FHIT: variants seen among roughly 807,000 people sequenced by gnomAD.
The protein encoded by FHIT is bis(5'-adenosyl)-triphosphatase.
A neutral mutation model predicts 17.9 loss-of-function variants in FHIT; 19 were observed. That is an observed-to-expected ratio of 1.06 (90% confidence interval 0.74 to 1.56). The LOEUF (loss-of-function observed/expected upper bound fraction) is 1.56, where lower values mean the gene tolerates loss of function less well. Ranked by LOEUF, FHIT falls within the 40% of genes most tolerant of loss-of-function variation. FHIT has a pLI of 0.00. For synonymous variants in FHIT, 81 were observed against 69.7 expected, an observed-to-expected ratio of 1.16 and a Z score of -0.81; for missense variants, 248 against 189.2, an observed-to-expected ratio of 1.31 and a Z score of -1.82.
intron 5 of FHIT, among the ~76,000 whole-genome samples, chr3:60,381,132 C>T (rs975160949): frequency 1.3e-5 from 2 of 151,980 alleles, no homozygotes; most frequent in Non-Finnish European, 2.9e-5. Context: ...CGCGATTAGC[C>T]CCAAAGATGC....
intron 3 of FHIT, among the ~76,000 whole-genome samples, chr3:60,988,852 C>T (rs1224532440): frequency 7.4e-6 from 1 of 134,600 alleles, no homozygotes; most frequent in Non-Finnish European, 1.5e-5. Flanking sequence ...CCTTGAGAAC[C>T]TTAAATTCAA....
At chr3:60,372,394 T>A (rs1458566870) in intron 5 of FHIT, among the ~76,000 whole-genome samples, 2 of 152,182 alleles carry the variant, frequency 1.3e-5, no homozygotes, top group African/African-American at 4.8e-5. Context: ...TTGTGGCACA[T>A]CCATAATTTG....
intron 2 of FHIT, among the ~76,000 whole-genome samples, chr3:61,063,255 C>CAAAAAAAAAA (rs371077056): frequency 2.1e-5 from 2 of 95,920 alleles, no homozygotes; most frequent in African/African-American, 3.8e-5. Context: ...GACTCTGTCT[C>CAAAAAAAAAA]AAAAAAAAAA....
Position 60,648,736 on chromosome 3 carries a change from A to G in FHIT, c.-17-111757T>C, listed in dbSNP as rs111519555. On this transcript the variant is annotated intron_variant, in intron 4 of 9. Coordinates refer to ENST00000492590, the MANE Select transcript of FHIT (RefSeq NM_002012.4). ...GAGCTAATGTGAGATGAAAAGCTAA[A>G]AAAGGAGCGAGTCAGAACTCCCACT... Among the ~76,000 whole-genome samples, 95 of 152,308 alleles carry G rather than the reference A, an allele frequency of 6.2e-4. 1 individual carries two copies. The East Asian group carries it at 0.017, about 27-fold the overall frequency.
At chr3:61,044,431 G>GA (rs1312381783) in intron 2 of FHIT, among the ~76,000 whole-genome samples, 6 of 152,080 alleles carry the variant, frequency 3.9e-5, no homozygotes, top group Non-Finnish European at 7.4e-5. Context: ...GAAGTTTAGA[G>GA]AAAAAAGAGT....
At chr3:60,197,586 T>C (rs889174466) in intron 5 of FHIT, among the ~76,000 whole-genome samples, 3 of 152,210 alleles carry the variant, frequency 2.0e-5, no homozygotes, top group Admixed American at 2.0e-4. Context: ...TAATAACCTA[T>C]GTTTGGTAAC....
intron 4 of FHIT, among the ~76,000 whole-genome samples, chr3:60,721,979 A>T (rs1262049394): frequency 1.3e-5 from 2 of 152,188 alleles, no homozygotes; most frequent in African/African-American, 2.4e-5. Context: ...TAGGAGCTGG[A>T]GAGCACCAAA....
At chr3:60,397,866 T>G (rs982125246) in intron 5 of FHIT, among the ~76,000 whole-genome samples, 4 of 152,170 alleles carry the variant, frequency 2.6e-5, no homozygotes, top group South Asian at 2.1e-4. Flanking sequence ...TTGTCTACAC[T>G]GCCACGCCCA....
intron 3 of FHIT, among the ~76,000 whole-genome samples, chr3:60,882,830 C>T (rs1705038499): frequency 6.6e-6 from 1 of 152,092 alleles, no homozygotes; most frequent in Admixed American, 6.6e-5. Flanking sequence ...ACTCCCACCA[C>T]TGTTATTCAA....
chr3:60,591,652 T>A (rs1393056852), intron 4 of FHIT, among the ~76,000 whole-genome samples: 1 of 152,122 alleles, frequency 6.6e-6, no homozygotes, highest in Non-Finnish European at 1.5e-5. Context: ...TTAGTAGCTC[T>A]TCCATATGTT....
At chr3:60,707,185 C>T (rs1335298378) in intron 4 of FHIT, among the ~76,000 whole-genome samples, 3 of 152,156 alleles carry the variant, frequency 2.0e-5, no homozygotes, top group African/African-American at 7.2e-5. Flanking sequence ...CCAAAAAGCC[C>T]ACAGGCACTC....
chr3:60,260,345 C>T (rs1456156358), intron 5 of FHIT, among the ~76,000 whole-genome samples: 2 of 144,206 alleles, frequency 1.4e-5, no homozygotes, highest in Admixed American at 1.4e-4. Context: ...TCTGTCTTGA[C>T]TAAATTTAAA....
intron 5 of FHIT, among the ~76,000 whole-genome samples, chr3:60,127,103 A>C (rs55659703): frequency 1.3e-5 from 2 of 151,796 alleles, no homozygotes; most frequent in Non-Finnish European, 2.9e-5. Flanking sequence ...CTACTTGTGC[A>C]ATCTCCCAAT....
intron 5 of FHIT, among the ~76,000 whole-genome samples, chr3:60,215,800 A>G (rs1703670722): frequency 6.6e-6 from 1 of 152,212 alleles, no homozygotes; most frequent in Non-Finnish European, 1.5e-5. Context: ...TACACAAAAC[A>G]TGTACAGAGC....
intron 4 of FHIT, among the ~76,000 whole-genome samples, chr3:60,696,909 A>G (rs782272505): frequency 1.3e-5 from 2 of 152,178 alleles, no homozygotes; most frequent in Non-Finnish European, 2.9e-5. Flanking sequence ...GCGTGGGAGA[A>G]CAAACATTTT....
intron 8 of FHIT, among the ~76,000 whole-genome samples, chr3:59,764,807 A>G (rs1701707492): frequency 7.2e-6 from 1 of 138,598 alleles, no homozygotes. Flanking sequence ...TATATGCCCT[A>G]TAATTGACCA....
chr3:60,744,271 A>AAAAAAAAAC (rs2042309028), intron 4 of FHIT, among the ~76,000 whole-genome samples: 28 of 52,126 alleles, frequency 5.4e-4, no homozygotes, highest in African/African-American at 1.9e-3. Context: ...AACAAAACAA[A>AAAAAAAAAC]AAAAAAAAAA....
At chr3:60,918,105 A>G (rs145593506) in intron 3 of FHIT, among the ~76,000 whole-genome samples, 26 of 152,348 alleles carry the variant, frequency 1.7e-4, no homozygotes, top group African/African-American at 6.3e-4. Flanking sequence ...TGATGGTTTT[A>G]TAAATGGGAG....
At chr3:60,029,820 T>C (rs141432983) in intron 5 of FHIT, among the ~76,000 whole-genome samples, 11 of 151,458 alleles carry the variant, frequency 7.3e-5, no homozygotes, top group Admixed American at 2.0e-4. Flanking sequence ...ATCAATAACA[T>C]TGTAGCACCA....
Sources: allele counts gnomAD v4.1 joint callset (sites outside exome capture counted in the v4.1 genomes callset), GRCh38; gene constraint gnomAD v4.1.1; transcripts MANE v1.5; gene names NCBI Gene and HGNC (gene_info 2026-07-23, HGNC 2026-07-21).